Variants in RNF170 observed in about 807,000 individuals in gnomAD.
RNF170 encodes E3 ubiquitin-protein ligase RNF170.
In RNF170, 12 loss-of-function variants were observed where a neutral mutation model predicts 32.7. That is an observed-to-expected ratio of 0.37 (90% CI 0.24 to 0.60). RNF170 has a LOEUF of 0.60. Among genes scored for constraint, RNF170 ranks in the 20% least tolerant of loss-of-function variants. The pLI, the probability that RNF170 is intolerant of heterozygous loss-of-function variation, is 0.72. For missense variants in RNF170, 212 were observed against 311.2 expected (o/e 0.68, Z 2.40); for synonymous variants, 91 against 103.6 (o/e 0.88, Z 0.74).
chr8:42,868,076 C>T (rs935996605), intron 4 of RNF170, among the ~76,000 whole-genome samples: 6 of 152,034 alleles, frequency 3.9e-5, no homozygotes, highest in African/African-American at 1.4e-4. Context: ...TTAGCATTTC[C>T]AATAGAAAAT....
chr8:42,854,929 T>A lies in RNF170; in HGVS notation c.*1230A>T. ...CATCCTGAGACAGTATTATAAAAAT[T>A]TCTGACAACAGAAAACTAACAAAAT... On this transcript the variant is annotated 3_prime_UTR_variant, in exon 7 of 7. Transcript: ENST00000527424. 1 of 1,287,232 alleles carries A rather than the reference T, an allele frequency of 7.8e-7. No individual in the cohort carries two copies. Among genetic ancestry groups the A allele is most frequent in the Non-Finnish European group, 1.0e-6 (1 of 988,688 alleles). 79.7% of individuals were successfully genotyped at this position (1,287,232 alleles called of 1,614,324 possible).
At chr8:42,856,705 T>C (rs1365392301) in intron 6 of RNF170, among the ~76,000 whole-genome samples, 1 of 152,158 alleles carries the variant, frequency 6.6e-6, no homozygotes, top group Non-Finnish European at 1.5e-5. Flanking sequence ...AACATCTGAT[T>C]TGAGTTAGTA....
intron 4 of RNF170, among the ~76,000 whole-genome samples, chr8:42,868,807 G>A (rs968565570): frequency 6.8e-6 from 1 of 147,110 alleles, no homozygotes; most frequent in Non-Finnish European, 1.5e-5. Context: ...AGCAGAGATC[G>A]CACCATTGCA....
At chr8:42,866,346 C>A (rs1306357265) in intron 4 of RNF170, among the ~76,000 whole-genome samples, 1 of 151,956 alleles carries the variant, frequency 6.6e-6, no homozygotes, top group African/African-American at 2.4e-5. Flanking sequence ...TCGAGACCAG[C>A]CTGGCCAACA....
At position 42,870,130 on chromosome 8, in the gene RNF170, G is replaced by A. The variant is rs754357412; in HGVS notation, c.214-18C>T. The A allele has an allele frequency of 6.4e-6, 10 of 1,560,514 alleles. No homozygotes were observed. In the Admixed American group the frequency reaches 6.7e-5, roughly 10 times the overall value. ...GGTGCATCCTAATAAGAACACAGGT[G>A]CACACATTGGAACACAACACATGTG... On this transcript the variant is annotated intron_variant, in intron 3 of 6. Coordinates refer to ENST00000527424, the MANE Select transcript of RNF170 (RefSeq NM_030954.4).
chr8:42,881,351 C>T (rs1225378641), intron 2 of RNF170: 1 of 152,168 alleles, frequency 6.6e-6, no homozygotes, highest in Non-Finnish European at 1.5e-5. Flanking sequence ...GGTGTCTGCA[C>T]TAACTTTGGC....
At chr8:42,863,788 G>A (rs1803853999) in intron 5 of RNF170, among the ~76,000 whole-genome samples, 4 of 152,164 alleles carry the variant, frequency 2.6e-5, no homozygotes, top group Admixed American at 2.6e-4. Context: ...ATCAGCCAGA[G>A]AGGCATATAG....
downstream of RNF170, chr8:42,849,834 C>T (rs926942941): frequency 6.6e-6 from 1 of 152,192 alleles, no homozygotes; most frequent in East Asian, 1.9e-4. Flanking sequence ...ATGCTGCACG[C>T]ATAGTTCTGG....
intron 6 of RNF170, among the ~76,000 whole-genome samples, chr8:42,859,760 C>T (rs961558371): frequency 3.3e-5 from 5 of 152,084 alleles, no homozygotes; most frequent in Non-Finnish European, 5.9e-5. Flanking sequence ...GCAGTCCTCC[C>T]ACCTCAGCCT....
At chr8:42,890,369 C>T (rs954209242) in intron 1 of RNF170, among the ~76,000 whole-genome samples, 1 of 151,612 alleles carries the variant, frequency 6.6e-6, no homozygotes, top group Non-Finnish European at 1.5e-5. Context: ...GCTCTGCCTC[C>T]CGGGTTCTCG....
rs572779482 is a variant in RNF170 at position 42,892,904 on chromosome 8, T to C, written c.-8+3580A>G. On this transcript the variant is annotated intron_variant, in intron 1 of 6. Transcript: ENST00000527424. Reference sequence around the variant, plus strand: ...CGGGAGGCTGAGGCATGAGAATTGCTTGAACCTGGGGGGCAGAGGTTGCAG... The same window carrying C: ...CGGGAGGCTGAGGCATGAGAATTGCCTGAACCTGGGGGGCAGAGGTTGCAG... Among the ~76,000 whole-genome samples, 6 of 152,170 alleles carry C rather than the reference T, an allele frequency of 3.9e-5. No homozygotes were observed. In the East Asian group the frequency reaches 9.7e-4, roughly 24 times the overall value.
intron 1 of RNF170, among the ~76,000 whole-genome samples, chr8:42,895,867 C>T (rs768960592): frequency 6.6e-6 from 1 of 152,214 alleles, no homozygotes; most frequent in Non-Finnish European, 1.5e-5. Context: ...AGGAGACAAT[C>T]AGGCTCCGAA....
downstream of RNF170, chr8:42,850,683 CTGAA>C (rs531887564): frequency 1.8e-5 from 23 of 1,291,144 alleles, no homozygotes; most frequent in African/African-American, 2.5e-4. Context: ...GCTGAGATGT[CTGAA>C]TGCCTCAGAG....
chr8:42,858,747 G>A (rs1295409300), intron 6 of RNF170, among the ~76,000 whole-genome samples: 1 of 152,236 alleles, frequency 6.6e-6, no homozygotes. Context: ...CAGCCTTAAG[G>A]TGGAAGGAGT....
chr8:42,857,878 T>C (rs1803358053), intron 6 of RNF170, among the ~76,000 whole-genome samples: 1 of 151,970 alleles, frequency 6.6e-6, no homozygotes, highest in Admixed American at 6.6e-5. Context: ...CTACTAAAAA[T>C]ACAAAAATTA....
In RNF170 at chr8:42,854,835, T is replaced by C. The variant is rs1378361950; in HGVS notation, c.*1324A>G. On this transcript the variant is annotated 3_prime_UTR_variant, in exon 7 of 7. Transcript: ENST00000527424. ...AAGTGAGTAAGATCTCCCAGTACCA[T>C]GTGGTACTGAGTCTTCTCAGATACA... 3.1e-6 allele frequency: 4 copies of C among 1,286,750 alleles called. No individual in the cohort carries two copies. The highest frequency in any genetic ancestry group is 4.0e-6 in the Non-Finnish European group (4 of 988,226). The allele number at this position is 1,286,750 out of a possible 1,614,324, so 79.7% of individuals were successfully genotyped here.
chr8:42,890,484 A>C (rs1806210754), intron 1 of RNF170, among the ~76,000 whole-genome samples: 1 of 151,906 alleles, frequency 6.6e-6, no homozygotes, highest in Non-Finnish European at 1.5e-5. Flanking sequence ...TCACTGTGTT[A>C]GCCAGGATGG....
At chr8:42,869,617 C>T (rs931537356) in intron 4 of RNF170, among the ~76,000 whole-genome samples, 1 of 152,096 alleles carries the variant, frequency 6.6e-6, no homozygotes, top group Non-Finnish European at 1.5e-5. Context: ...GAGAGAAGAA[C>T]CTTCCTGCCC....
chr8:42,854,207 G>A lies in RNF170; in HGVS notation c.*1952C>T. 7.8e-7 allele frequency: 1 copy of A among 1,287,202 alleles called. No individual in the cohort carries two copies. The highest frequency in any genetic ancestry group is 1.0e-6 in the Non-Finnish European group (1 of 988,688). 79.7% of individuals were successfully genotyped at this position (1,287,202 alleles called of 1,614,324 possible). ...GACCTTTCCTCTTAGGAGTGCCTAA[G>A]CTGTCTTACTCTGATGGAGGTATAA... On this transcript the variant is annotated 3_prime_UTR_variant, in exon 7 of 7. Transcript: ENST00000527424.
Sources: allele counts gnomAD v4.1 joint callset (sites outside exome capture counted in the v4.1 genomes callset), GRCh38; gene constraint gnomAD v4.1.1; transcripts MANE v1.5; gene names NCBI Gene and HGNC (gene_info 2026-07-23, HGNC 2026-07-21).